The following B3GALT1 variants were observed in gnomAD, a reference collection of about 807,000 sequenced individuals.
B3GALT1 encodes the protein UDP-Gal:betaGlcNAc beta 1,3-galactosyltransferase, polypeptide 1.
B3GALT1 carries 10 observed loss-of-function variants against 23.2 expected under a neutral mutation model. The ratio of observed to expected loss-of-function variants is 0.43; its 90% CI spans 0.27 to 0.73. B3GALT1 has a LOEUF of 0.73. Ranked by LOEUF, B3GALT1 falls within the 30% of genes least tolerant of loss-of-function variation. The pLI is 0.21. For missense variants in B3GALT1, 299 were observed against 405.4 expected (o/e 0.74, Z 2.25); for synonymous variants, 156 against 141.5 (o/e 1.10, Z -0.73).
At chr2:167,822,161 G>T (rs912501215) in intron 4 of B3GALT1, among the ~76,000 whole-genome samples, 1 of 152,080 alleles carries the variant, frequency 6.6e-6, no homozygotes, top group Non-Finnish European at 1.5e-5. Context: ...AAAGTCTCCT[G>T]TACCATCCCT....
intron 2 of B3GALT1, among the ~76,000 whole-genome samples, chr2:167,545,278 G>A (rs192038244): frequency 0.069 from 10,461 of 151,628 alleles, 485 homozygotes; most frequent in Non-Finnish European, 0.1. Flanking sequence ...CTTGTGATCC[G>A]CCCACCTCGG....
At chr2:167,559,185 T>C (rs1408723281) in intron 2 of B3GALT1, among the ~76,000 whole-genome samples, 2 of 152,146 alleles carry the variant, frequency 1.3e-5, no homozygotes, top group South Asian at 2.1e-4. Context: ...CCGCTGCTGA[T>C]ACCCAGGCAA....
intron 3 of B3GALT1, among the ~76,000 whole-genome samples, chr2:167,760,651 A>G (rs1481659297): frequency 6.6e-6 from 1 of 152,198 alleles, no homozygotes; most frequent in East Asian, 1.9e-4. Flanking sequence ...TCTAAACATA[A>G]GAAAATTATC....
intron 1 of B3GALT1, among the ~76,000 whole-genome samples, chr2:167,452,547 C>T (rs1699106688): frequency 6.6e-6 from 1 of 152,186 alleles, no homozygotes. Context: ...TCACAGTTCT[C>T]AGCTGTCTCC....
chr2:167,580,921 CA>C (rs1684474098), intron 2 of B3GALT1, among the ~76,000 whole-genome samples: 1 of 152,174 alleles, frequency 6.6e-6, no homozygotes, highest in Admixed American at 6.5e-5. Context: ...GTGTTCACTA[CA>C]GTTTCTACTA....
intron 1 of B3GALT1, among the ~76,000 whole-genome samples, chr2:167,385,220 A>G (rs1271236916): frequency 6.6e-6 from 1 of 152,034 alleles, no homozygotes; most frequent in Non-Finnish European, 1.5e-5. Context: ...TCTTTCTACC[A>G]CAAATGCTCT....
intron 1 of B3GALT1, among the ~76,000 whole-genome samples, chr2:167,360,843 C>T (rs956874890): frequency 7.9e-5 from 12 of 152,064 alleles, no homozygotes; most frequent in Non-Finnish European, 1.6e-4. Flanking sequence ...TACTCCTTAA[C>T]CAGCTCTCCA....
intron 1 of B3GALT1, among the ~76,000 whole-genome samples, chr2:167,351,202 G>A (rs1374729369): frequency 6.6e-6 from 1 of 150,936 alleles, no homozygotes; most frequent in Admixed American, 6.6e-5. Context: ...CTGGAAAGCG[G>A]AGGTTGCAGT....
At chr2:167,432,241 T>C (rs979752116) in intron 1 of B3GALT1, among the ~76,000 whole-genome samples, 1 of 152,178 alleles carries the variant, frequency 6.6e-6, no homozygotes, top group African/African-American at 2.4e-5. Context: ...AACACTCTAG[T>C]GACAGACTTC....
At chr2:167,774,181 C>A (rs1688119142) in intron 3 of B3GALT1, among the ~76,000 whole-genome samples, 1 of 152,156 alleles carries the variant, frequency 6.6e-6, no homozygotes, top group Non-Finnish European at 1.5e-5. Context: ...TCCCATGTTA[C>A]AATAAATCAA....
At chr2:167,300,200 C>T (rs898780107) in intron 1 of B3GALT1, among the ~76,000 whole-genome samples, 6 of 152,276 alleles carry the variant, frequency 3.9e-5, no homozygotes, top group Non-Finnish European at 4.4e-5. Flanking sequence ...CCACTGTGCC[C>T]AGCTGAACTT....
At chr2:167,316,212 A>G (rs1696715446) in intron 1 of B3GALT1, among the ~76,000 whole-genome samples, 2 of 151,070 alleles carry the variant, frequency 1.3e-5, no homozygotes, top group Non-Finnish European at 3.0e-5. Context: ...GATGGTAAGG[A>G]ATGCTTTTTG....
At chr2:167,546,434 A>T (rs577681994) in intron 2 of B3GALT1, among the ~76,000 whole-genome samples, 82 of 152,272 alleles carry the variant, frequency 5.4e-4, no homozygotes, top group African/African-American at 1.9e-3. Flanking sequence ...GCAACTGATA[A>T]GGTATGTCCT....
At chr2:167,362,965 C>T (rs1263275494) in intron 1 of B3GALT1, among the ~76,000 whole-genome samples, 1 of 152,166 alleles carries the variant, frequency 6.6e-6, no homozygotes, top group Non-Finnish European at 1.5e-5. Flanking sequence ...AGGTGATTCT[C>T]TTGCCTCAGC....
chr2:167,644,657 G>A (rs1325449160), intron 2 of B3GALT1, among the ~76,000 whole-genome samples: 1 of 151,608 alleles, frequency 6.6e-6, no homozygotes. Flanking sequence ...GTGGGGGCCT[G>A]TAGTCCCAGC....
At chr2:167,512,572 ATATATATGTATATATATATGTG>A (rs1700028901) in intron 2 of B3GALT1, among the ~76,000 whole-genome samples, 1 of 94,298 alleles carries the variant, frequency 1.1e-5, no homozygotes, top group Non-Finnish European at 2.1e-5. Flanking sequence ...ATATATGTAT[ATATATATGTATATATATATGTG>A]TATATATATA....
At chr2:167,453,174 AG>A (rs1189704058) in intron 1 of B3GALT1, among the ~76,000 whole-genome samples, 1 of 152,166 alleles carries the variant, frequency 6.6e-6, no homozygotes, top group African/African-American at 2.4e-5. Context: ...CTGAGGATCT[AG>A]CCTAATCAGG....
At chr2:167,584,089 TGTA>T (rs1293020615) in intron 2 of B3GALT1, among the ~76,000 whole-genome samples, 1 of 151,914 alleles carries the variant, frequency 6.6e-6, no homozygotes, top group African/African-American at 2.4e-5. Flanking sequence ...AGAAGAGAAA[TGTA>T]GTCAAGTGGA....
chr2:167,753,096 A>G (rs1181923036), intron 3 of B3GALT1, among the ~76,000 whole-genome samples: 1 of 152,220 alleles, frequency 6.6e-6, no homozygotes, highest in Non-Finnish European at 1.5e-5. Flanking sequence ...AGAGCATTGC[A>G]CTGGAGAGAG....
Sources: allele counts gnomAD v4.1 joint callset (sites outside exome capture counted in the v4.1 genomes callset), GRCh38; gene constraint gnomAD v4.1.1; transcripts MANE v1.5; gene names NCBI Gene and HGNC (gene_info 2026-07-23, HGNC 2026-07-21).